TENM3: variants seen among roughly 807,000 people sequenced by gnomAD.
TENM3 encodes the protein teneurin transmembrane protein 3.
In TENM3, 63 loss-of-function variants were observed where a neutral mutation model predicts 255.1. The ratio of observed to expected loss-of-function variants is 0.25; its 90% CI spans 0.20 to 0.30. The LOEUF (loss-of-function observed/expected upper bound fraction) is 0.30, where lower values mean the gene tolerates loss of function less well. TENM3 is among the 10% of genes least tolerant of loss of function. The probability of loss-of-function intolerance (pLI) is 1.00; values close to 1 mark genes in which losing one functional copy is unlikely to be tolerated. For synonymous variants in TENM3, 1,306 were observed against 1,322.3 expected (o/e 0.99, Z 0.27); for missense variants, 2,929 against 3,461.1 (o/e 0.85, Z 3.86).
chr4:181,467,501 T>C, the TENM3 span, among the ~76,000 whole-genome samples: 1 of 152,010 alleles, frequency 6.6e-6, no homozygotes, highest in Non-Finnish European at 1.5e-5. Flanking sequence ...ATGACAGATA[T>C]CTAGTTATTA....
the TENM3 span, among the ~76,000 whole-genome samples, chr4:181,718,414 G>C: frequency 6.6e-6 from 1 of 152,152 alleles, no homozygotes; most frequent in Non-Finnish European, 1.5e-5. Flanking sequence ...CCAACGTTCA[G>C]TTTGAGTCCC....
At chr4:181,747,318 T>C in the TENM3 span, among the ~76,000 whole-genome samples, 1 of 152,140 alleles carries the variant, frequency 6.6e-6, no homozygotes, top group Non-Finnish European at 1.5e-5. Flanking sequence ...ATAAATTGCC[T>C]TTCTTAAATT....
At chr4:181,561,359 A>ATGAAAT in the TENM3 span, among the ~76,000 whole-genome samples, 11,964 of 152,146 alleles carry the variant, frequency 0.079, 500 homozygotes, top group South Asian at 0.11. Flanking sequence ...TTTCTTGAGT[A>ATGAAAT]TGAAATTGAA....
the TENM3 span, among the ~76,000 whole-genome samples, chr4:181,803,981 G>C: frequency 6.9e-6 from 1 of 145,468 alleles, no homozygotes; most frequent in African/African-American, 2.5e-5. Flanking sequence ...AGAAAGGAAA[G>C]AAAGAAAGAA....
the TENM3 span, among the ~76,000 whole-genome samples, chr4:181,746,882 C>T: frequency 9.2e-5 from 14 of 151,846 alleles, no homozygotes; most frequent in Admixed American, 3.3e-4. Flanking sequence ...TGCTTACTTA[C>T]GGGTGTGCCA....
intron 12 of TENM3, among the ~76,000 whole-genome samples, chr4:182,701,210 C>CTTTTTTTTTTT (rs35538818): frequency 0.022 from 869 of 38,654 alleles, 341 homozygotes; most frequent in Non-Finnish European, 0.027. Flanking sequence ...CAACTCTTGA[C>CTTTTTTTTTTT]TTTTTTTTTT....
intron 3 of TENM3, among the ~76,000 whole-genome samples, chr4:182,464,498 C>T (rs916902381): frequency 6.6e-6 from 1 of 152,160 alleles, no homozygotes; most frequent in African/African-American, 2.4e-5. Flanking sequence ...CTCAGGTGAT[C>T]CGCCCATCTC....
At chr4:182,028,669 T>C in the TENM3 span, among the ~76,000 whole-genome samples, 2 of 152,192 alleles carry the variant, frequency 1.3e-5, no homozygotes, top group African/African-American at 2.4e-5. Context: ...TTTCAAGAAA[T>C]TTTCCAGTTT....
chr4:181,956,755 G>A, the TENM3 span, among the ~76,000 whole-genome samples: 2 of 152,140 alleles, frequency 1.3e-5, no homozygotes, highest in Non-Finnish European at 1.5e-5. Flanking sequence ...AAAAAGCTAC[G>A]CTACATAATA....
At chr4:181,831,133 T>C in the TENM3 span, among the ~76,000 whole-genome samples, 2 of 152,216 alleles carry the variant, frequency 1.3e-5, no homozygotes, top group African/African-American at 4.8e-5. Context: ...TTTCATTTTG[T>C]ATATTGTTTA....
At chr4:182,089,630 C>G in the TENM3 span, among the ~76,000 whole-genome samples, 1 of 152,170 alleles carries the variant, frequency 6.6e-6, no homozygotes, top group African/African-American at 2.4e-5. Flanking sequence ...TTTTCTGTTT[C>G]TAATCCCTTT....
At chr4:181,732,814 A>G in the TENM3 span, among the ~76,000 whole-genome samples, 1 of 152,200 alleles carries the variant, frequency 6.6e-6, no homozygotes, top group Non-Finnish European at 1.5e-5. Context: ...AATTGGCTCA[A>G]ATATAAAATA....
chr4:182,734,769 T>C (rs529241408), intron 16 of TENM3, among the ~76,000 whole-genome samples: 3 of 152,304 alleles, frequency 2.0e-5, no homozygotes, highest in African/African-American at 7.2e-5. Context: ...CAAGTTAAAT[T>C]ACATCAGAGA....
At position 182,799,966 on chromosome 4, in the gene TENM3, A is replaced by C; in HGVS notation, c.7715A>C (p.Glu2572Ala). The change falls in exon 28 of 28, where the codon GAG becomes GCG. Residue 2572 changes from glutamate (E) to alanine (A), a missense_variant. By Grantham distance (107) the Glu-to-Ala change is moderately radical. Coordinates refer to ENST00000511685, the MANE Select transcript of TENM3 (RefSeq NM_001080477.4). The surrounding 1 kb of genome is among the most constrained non-coding windows in gnomAD (Gnocchi z 4.2). ...LRLTSGRKAL[E>A]NGINVTVSQS... ...TTGACCAGCGGCCGCAAGGCGCTGG[A>C]GAACGGCATCAACGTGACGGTGTCG... is the stretch of plus-strand genomic sequence containing the variant. 1 of 1,592,624 alleles carries C rather than the reference A, an allele frequency of 6.3e-7. No individual in the cohort carries two copies. The highest frequency in any genetic ancestry group is 8.5e-7 in the Non-Finnish European group (1 of 1,170,272).
chr4:181,931,573 GA>G, the TENM3 span, among the ~76,000 whole-genome samples: 1 of 152,110 alleles, frequency 6.6e-6, no homozygotes, highest in Non-Finnish European at 1.5e-5. Flanking sequence ...TCAATATCAT[GA>G]AAATGGCCAT....
the TENM3 span, among the ~76,000 whole-genome samples, chr4:181,893,897 A>G: frequency 6.4e-4 from 98 of 152,254 alleles, no homozygotes; most frequent in Middle Eastern, 6.8e-3. Context: ...TATTTTAGAG[A>G]ACTATACACT....
At chr4:181,592,288 G>A in the TENM3 span, among the ~76,000 whole-genome samples, 3 of 58,070 alleles carry the variant, frequency 5.2e-5, no homozygotes, top group Admixed American at 1.6e-4. Context: ...GAGCTGAGAA[G>A]GCCCCTTCTA....
intron 1 of TENM3, among the ~76,000 whole-genome samples, chr4:182,207,315 C>T (rs1244604554): frequency 6.6e-6 from 1 of 152,184 alleles, no homozygotes; most frequent in Non-Finnish European, 1.5e-5. Flanking sequence ...ATGTAAAACA[C>T]TTATTTAGGC....
chr4:181,706,329 A>C, the TENM3 span, among the ~76,000 whole-genome samples: 13 of 152,240 alleles, frequency 8.5e-5, no homozygotes, highest in African/African-American at 2.9e-4. Context: ...TAGCATTCTG[A>C]GATCCAGGGG....
Sources: gnomAD v4.1 joint callset for allele counts (sites outside exome capture counted in the v4.1 genomes callset) on GRCh38, gnomAD v4.1.1 for gene constraint, Gnocchi (gnomAD v3.1) non-coding constraint, MANE v1.5 for transcripts, NCBI Gene and HGNC (gene_info 2026-07-23, HGNC 2026-07-21) for gene names.